CNTRL: variants seen among roughly 807,000 people sequenced by gnomAD.
CNTRL encodes the protein 110 kDa centrosomal protein.
CNTRL carries 233 observed loss-of-function variants against 303.7 expected under a neutral mutation model. The observed-to-expected ratio is 0.77, with a 90% CI of 0.69 to 0.86. The LOEUF (loss-of-function observed/expected upper bound fraction) is 0.86, where lower values mean the gene tolerates loss of function less well. Ranked by LOEUF, CNTRL falls within the 40% of genes least tolerant of loss-of-function variation. The pLI is 0.00. For synonymous variants in CNTRL, 900 were observed against 922.2 expected, an observed-to-expected ratio of 0.98 and a Z score of 0.44; for missense variants, 2,524 against 2,650.6, an observed-to-expected ratio of 0.95 and a Z score of 1.05.
At chr9:121,106,119 A>G (rs2049456413) in intron 7 of CNTRL, among the ~76,000 whole-genome samples, 1 of 152,112 alleles carries the variant, frequency 6.6e-6, no homozygotes, top group African/African-American at 2.4e-5. Flanking sequence ...CAGATGGATC[A>G]CTTGAGGTCA....
intron 5 of CNTRL, among the ~76,000 whole-genome samples, chr9:121,095,802 A>G (rs1414660991): frequency 7.5e-6 from 1 of 132,618 alleles, no homozygotes; most frequent in Non-Finnish European, 1.7e-5. Context: ...CAGTGTAGAT[A>G]GAGGCTTTGA....
At chr9:121,114,969 T>C in intron 10 of CNTRL, 122 bp from the exon 11 acceptor site, 1 of 566,564 alleles carries the variant, frequency 1.8e-6, no homozygotes, top group Non-Finnish European at 3.1e-6. Context: ...TTTTGTGAGA[T>C]ATAATGACAG....
intron 12 of CNTRL, among the ~76,000 whole-genome samples, chr9:121,119,198 A>G (rs1004081715): frequency 2.0e-5 from 3 of 151,638 alleles, no homozygotes; most frequent in Non-Finnish European, 4.4e-5. Flanking sequence ...GCCGCATGGT[A>G]TATTTATTTT....
At chr9:121,160,726 T>TTA (rs1378199276) in intron 32 of CNTRL, among the ~76,000 whole-genome samples, 2 of 152,206 alleles carry the variant, frequency 1.3e-5, no homozygotes, top group African/African-American at 4.8e-5. Context: ...ATGCCTATAA[T>TTA]CCCAGCTCTT....
At chr9:121,086,733 T>C (rs1483238041) in intron 2 of CNTRL, among the ~76,000 whole-genome samples, 1 of 150,728 alleles carries the variant, frequency 6.6e-6, no homozygotes, top group Non-Finnish European at 1.5e-5. Context: ...TTCTGCCTCC[T>C]GGGTTCAAGA....
At chr9:121,084,035 C>T (rs962270345) in intron 2 of CNTRL, among the ~76,000 whole-genome samples, 2 of 152,186 alleles carry the variant, frequency 1.3e-5, no homozygotes, top group South Asian at 4.2e-4. Flanking sequence ...TACTCTAAAT[C>T]CTTGGATTAA....
At chr9:121,112,397 A>C (rs2049785495) in intron 8 of CNTRL, 62 bp from the exon 9 acceptor site, 1 of 1,518,006 alleles carries the variant, frequency 6.6e-7, no homozygotes, top group Non-Finnish European at 9.0e-7. Context: ...TTACCATATC[A>C]TCACACCTTT....
At chr9:121,128,539 T>G (rs1043231416) in intron 14 of CNTRL, among the ~76,000 whole-genome samples, 28 of 152,262 alleles carry the variant, frequency 1.8e-4, no homozygotes, top group Non-Finnish European at 2.2e-4. Context: ...TTCTGGATAT[T>G]AGCCCTTTGT....
intron 2 of CNTRL, among the ~76,000 whole-genome samples, chr9:121,087,584 G>A (rs13288411): frequency 0.6 from 90,532 of 151,884 alleles, 29,181 homozygotes; most frequent in South Asian, 0.89. Flanking sequence ...CCAGCTGCTC[G>A]GGAGGTCGAG....
At chr9:121,145,836 G>A (rs1293027969) in intron 22 of CNTRL, among the ~76,000 whole-genome samples, 1 of 152,330 alleles carries the variant, frequency 6.6e-6, no homozygotes, top group East Asian at 1.9e-4. Context: ...GCAGAGGTTG[G>A]CAGTGAGCCG....
intron 36 of CNTRL, among the ~76,000 whole-genome samples, chr9:121,166,809 G>A (rs1235287148): frequency 1.3e-5 from 2 of 150,916 alleles, no homozygotes; most frequent in African/African-American, 4.9e-5. Flanking sequence ...ATCACCTGAA[G>A]TCGGGAGTTC....
chr9:121,101,741 T>C (rs2049181715), intron 7 of CNTRL, among the ~76,000 whole-genome samples: 1 of 152,106 alleles, frequency 6.6e-6, no homozygotes. Context: ...CCCACAGAGA[T>C]ACAAACTATC....
At chr9:121,080,763 T>G (rs2048106912) in intron 2 of CNTRL, among the ~76,000 whole-genome samples, 1 of 152,168 alleles carries the variant, frequency 6.6e-6, no homozygotes, top group East Asian at 1.9e-4. Context: ...AATCTCTCCT[T>G]TATATACTGT....
At chr9:121,124,229 C>T in intron 13 of CNTRL, 145 bp downstream of exon 13, 1 of 736,828 alleles carries the variant, frequency 1.4e-6, no homozygotes, top group Non-Finnish European at 2.0e-6. Context: ...TACAGGATAC[C>T]CAAAAGTAGT....
intron 8 of CNTRL, among the ~76,000 whole-genome samples, chr9:121,108,981 G>C (rs1272565819): frequency 2.0e-5 from 3 of 151,858 alleles, no homozygotes; most frequent in Non-Finnish European, 2.9e-5. Flanking sequence ...TTATACCTTT[G>C]AATATTTTTG....
intron 27 of CNTRL, among the ~76,000 whole-genome samples, chr9:121,155,977 A>G (rs771382702): frequency 3.1e-4 from 47 of 152,282 alleles, no homozygotes; most frequent in Non-Finnish European, 6.0e-4. Flanking sequence ...TTATTTATTA[A>G]AGAAATTCTG....
chr9:121,084,560 T>TTG (rs879514856), intron 2 of CNTRL, among the ~76,000 whole-genome samples: 3 of 151,634 alleles, frequency 2.0e-5, no homozygotes, highest in Non-Finnish European at 4.4e-5. Flanking sequence ...TTTTTTTTTT[T>TTG]GTGAGATGGA....
In CNTRL at chr9:121,152,473, C is replaced by T. The variant is rs774191991; in HGVS notation, c.3964-12C>T. The T allele has an allele frequency of 1.9e-6, 3 of 1,598,650 alleles. No homozygotes were observed. The highest frequency in any genetic ancestry group is 1.1e-5 in the South Asian group (1 of 90,298). On this transcript the variant is annotated splice_polypyrimidine_tract_variant and intron_variant, in intron 25 of 43. Coordinates refer to ENST00000373855, the MANE Select transcript of CNTRL (RefSeq NM_007018.6). ...TGTTTCAGCACTGCATTTTTTTCCC[C>T]ATCTCATTCAGGAGAATGAAGTTTC... is the stretch of plus-strand genomic sequence containing the variant.
rs756373223 is a variant in CNTRL, at chr9:121,168,314, C to T, written c.6063C>T (p.Ser2021=). Residue 2021 remains serine, a synonymous_variant, in exon 38 of 44, where the codon TCC becomes TCT. Coordinates refer to ENST00000373855, the MANE Select transcript of CNTRL (RefSeq NM_007018.6). ...GTGAGAGCCTGGAGAAGACACTCTC[C>T]CAAACTAGTATGTATTCTGGAACTT... is the stretch of plus-strand genomic sequence containing the variant. ...RWCESLEKTL[S]QTKRQLSERE... 3.1e-6 allele frequency: 5 copies of T among 1,613,494 alleles called. No individual in the cohort carries two copies. The African/African-American group carries it at 6.7e-5, about 22-fold the overall frequency.
Sources: gnomAD v4.1 joint callset for allele counts (sites outside exome capture counted in the v4.1 genomes callset) on GRCh38, gnomAD v4.1.1 for gene constraint, MANE v1.5 for transcripts, NCBI Gene and HGNC (gene_info 2026-07-23, HGNC 2026-07-21) for gene names.